The following AFAP1L1 variants were observed in gnomAD, a reference collection of about 807,000 sequenced individuals.
AFAP1L1 encodes the protein actin filament associated protein 1 like 1.
A neutral mutation model predicts 99.8 loss-of-function variants in AFAP1L1; 77 were observed. That is an observed-to-expected ratio of 0.77 (90% CI 0.64 to 0.93). The LOEUF (loss-of-function observed/expected upper bound fraction) is 0.93, where lower values mean the gene tolerates loss of function less well. Among genes scored for constraint, AFAP1L1 ranks in the 40% least tolerant of loss-of-function variants. The probability of loss-of-function intolerance (pLI) is 0.00; values close to 1 mark genes in which losing one functional copy is unlikely to be tolerated. For synonymous variants in AFAP1L1, 373 were observed against 395.3 expected (o/e 0.94, Z 0.67); for missense variants, 893 against 996.8 (o/e 0.90, Z 1.40).
intron 1 of AFAP1L1, among the ~76,000 whole-genome samples, chr5:149,285,067 A>G (rs552339050): frequency 2.6e-5 from 4 of 152,296 alleles, no homozygotes; most frequent in South Asian, 2.1e-4. Flanking sequence ...CTCAACCCCA[A>G]TGATGGAGGC....
At chr5:149,307,275 A>G (rs979971018) in intron 6 of AFAP1L1, 127 bp from the exon 7 acceptor site, 5 of 953,222 alleles carry the variant, frequency 5.2e-6, no homozygotes, top group East Asian at 2.4e-5. Context: ...CTTAGTCATT[A>G]CCAGTGTCAT....
chr5:149,339,728 G>A (rs1404242711), intron 18 of AFAP1L1, among the ~76,000 whole-genome samples: 2 of 152,142 alleles, frequency 1.3e-5, no homozygotes, highest in Non-Finnish European at 2.9e-5. Context: ...AATGGATCTT[G>A]TTGTGACATG....
At chr5:149,300,979 T>C (rs1451897529) in intron 3 of AFAP1L1, among the ~76,000 whole-genome samples, 154 bp from the exon 4 acceptor site, 1 of 152,236 alleles carries the variant, frequency 6.6e-6, no homozygotes, top group Non-Finnish European at 1.5e-5. Context: ...CAGATGAGTT[T>C]CAGAGTCAAA....
chr5:149,303,830 G>T (rs1405394626), intron 5 of AFAP1L1, among the ~76,000 whole-genome samples: 1 of 152,160 alleles, frequency 6.6e-6, no homozygotes, highest in Admixed American at 6.5e-5. Context: ...ATTACTGTTT[G>T]TGCTTTTTAC....
intron 1 of AFAP1L1, 106 bp downstream of exon 1, chr5:149,272,090 G>T (rs1311698278): frequency 7.2e-6 from 8 of 1,115,828 alleles, no homozygotes; most frequent in Non-Finnish European, 7.9e-6. Context: ...GCGGTGGGGC[G>T]GGGGCTGAGG....
intron 1 of AFAP1L1, among the ~76,000 whole-genome samples, chr5:149,291,696 G>A (rs1384555715): frequency 5.3e-5 from 8 of 152,146 alleles, no homozygotes; most frequent in Non-Finnish European, 1.2e-4. Context: ...CACTGGTACT[G>A]TGGGTCATAC....
At chr5:149,338,848 C>G (rs1040992526) in intron 18 of AFAP1L1, among the ~76,000 whole-genome samples, 2 of 152,116 alleles carry the variant, frequency 1.3e-5, no homozygotes, top group African/African-American at 2.4e-5. Flanking sequence ...GAGGGAAGGA[C>G]GAACCAGGCA....
intron 5 of AFAP1L1, among the ~76,000 whole-genome samples, chr5:149,303,685 AACACAC>A (rs145563644): frequency 6.6e-6 from 1 of 151,740 alleles, no homozygotes; most frequent in South Asian, 2.1e-4. Context: ...GGTGTACACA[AACACAC>A]ACACACACAT....
rs1243218796 is a variant in AFAP1L1, at chr5:149,342,247, A to G, written c.*2217A>G. Among the ~76,000 whole-genome samples the G allele has an allele frequency of 2.0e-5, 3 of 152,134 alleles. No individual in the cohort carries two copies. The highest frequency in any genetic ancestry group is 7.2e-5 in the African/African-American group (3 of 41,420). On this transcript the variant is annotated 3_prime_UTR_variant, in exon 19 of 19. Transcript: ENST00000296721. ...GTGCTAACTAACCACTTTTCTAGGT[A>G]TTATCCCTTTAGTTTTCACTGAAAC... is the stretch of plus-strand genomic sequence containing the variant.
At chr5:149,316,430 T>C in intron 11 of AFAP1L1, 127 bp downstream of exon 11, 3 of 1,184,486 alleles carry the variant, frequency 2.5e-6, no homozygotes, top group Middle Eastern at 2.9e-4. Context: ...CCAAGCCTAC[T>C]GGGAGGCTAA....
At chr5:149,333,003 A>G (rs1757302201) in intron 17 of AFAP1L1, 130 bp downstream of exon 17, 1 of 1,276,322 alleles carries the variant, frequency 7.8e-7, no homozygotes, top group African/African-American at 1.5e-5. Context: ...ACTGAAGTCC[A>G]AAGAGGTGAA....
rs1755292618 is a variant in AFAP1L1, at chr5:149,275,599, T to A, written c.16+3615T>A. On this transcript the variant is annotated intron_variant, in intron 1 of 18. Transcript: ENST00000296721. ...CGGCTCACTGCAAGCTCCGCCTCCT[T>A]GGTTCATGCCATTCTCCTGCCTCAG... Among the ~76,000 whole-genome samples, 5 of 151,866 alleles carry A rather than the reference T, an allele frequency of 3.3e-5. No homozygotes were observed. The South Asian group carries it at 1.0e-3, about 32-fold the overall frequency.
Position 149,302,457 on chromosome 5 carries a change from C to T in AFAP1L1, c.367C>T (p.Pro123Ser), listed in dbSNP as rs765955300. Reference protein sequence around the residue: ...LPPPLPNKPPPEDYYEEALPL... With the variant: ...LPPPLPNKPPSEDYYEEALPL... ...TCCACCGCTCCCCAACAAGCCTCCC[C>T]CTGAGGACTACTATGAAGAGGCCCT... The change falls in exon 5 of 19, where the codon CCT becomes TCT. Residue 123 changes from proline to serine, a missense_variant. Coordinates refer to ENST00000296721, the MANE Select transcript of AFAP1L1 (RefSeq NM_152406.4). The T allele has an allele frequency of 2.1e-5, 33 of 1,596,636 alleles. No individual in the cohort carries two copies. The highest frequency in any genetic ancestry group is 4.5e-5 in the East Asian group (2 of 44,316).
intron 1 of AFAP1L1, among the ~76,000 whole-genome samples, chr5:149,290,004 C>T (rs1001549107): frequency 3.3e-5 from 5 of 152,142 alleles, no homozygotes; most frequent in South Asian, 2.1e-4. Context: ...GAGGCCGAGG[C>T]GGGTGGATGA....
At chr5:149,318,911 C>A (rs1756873366) in intron 12 of AFAP1L1, among the ~76,000 whole-genome samples, 1 of 152,144 alleles carries the variant, frequency 6.6e-6, no homozygotes, top group Non-Finnish European at 1.5e-5. Context: ...CCCAAGACCC[C>A]CTGCCTCTCT....
chr5:149,295,411 C>G (rs1454097123), intron 1 of AFAP1L1, among the ~76,000 whole-genome samples: 1 of 152,166 alleles, frequency 6.6e-6, no homozygotes, highest in Non-Finnish European at 1.5e-5. Context: ...TTAGAAACGA[C>G]TATAGCAAAC....
At chr5:149,331,831 C>T (rs1414389140) in intron 16 of AFAP1L1, among the ~76,000 whole-genome samples, 2 of 152,132 alleles carry the variant, frequency 1.3e-5, no homozygotes, top group South Asian at 2.1e-4. Context: ...TTCTCACACT[C>T]ATGCTTCTAC....
chr5:149,288,182 A>G (rs1316605821), intron 1 of AFAP1L1, among the ~76,000 whole-genome samples: 1 of 152,232 alleles, frequency 6.6e-6, no homozygotes, highest in Non-Finnish European at 1.5e-5. Context: ...TGGTTCCAGC[A>G]AGCTTTGCAG....
At chr5:149,326,858 A>C (rs1757111439) in intron 15 of AFAP1L1, among the ~76,000 whole-genome samples, 1 of 152,230 alleles carries the variant, frequency 6.6e-6, no homozygotes, top group South Asian at 2.1e-4. Context: ...ACACATGCCA[A>C]GGCTATGGCC....
Sources: gnomAD v4.1 joint callset for allele counts (sites outside exome capture counted in the v4.1 genomes callset) on GRCh38, gnomAD v4.1.1 for gene constraint, MANE v1.5 for transcripts, NCBI Gene and HGNC (gene_info 2026-07-23, HGNC 2026-07-21) for gene names.